Variants in SGCD observed in about 807,000 individuals in gnomAD.
The protein encoded by SGCD is sarcoglycan delta, also known as delta-sarcoglycan.
A neutral mutation model predicts 36.6 loss-of-function variants in SGCD; 18 were observed. That is an observed-to-expected ratio of 0.49 (90% CI 0.34 to 0.73). The LOEUF is 0.73. SGCD is among the 30% of genes least tolerant of loss of function. The pLI is 0.01. For missense variants in SGCD, 387 were observed against 346.7 expected (o/e 1.12, Z -0.92); for synonymous variants, 133 against 130.6 (o/e 1.02, Z -0.12).
chr5:156,362,766 A>G (rs1410988743), intron 3 of SGCD, among the ~76,000 whole-genome samples: 1 of 152,228 alleles, frequency 6.6e-6, no homozygotes. Context: ...GGAGCATTTC[A>G]TGACATATAC....
chr5:155,810,781 T>C, the SGCD span, among the ~76,000 whole-genome samples: 1 of 144,002 alleles, frequency 6.9e-6, no homozygotes, highest in East Asian at 2.0e-4. Context: ...CTCTGAGTAA[T>C]CCTTTAGTGT....
At chr5:155,769,131 ATATACAG>A in the SGCD span, among the ~76,000 whole-genome samples, 1 of 152,150 alleles carries the variant, frequency 6.6e-6, no homozygotes, top group Non-Finnish European at 1.5e-5. Context: ...TATTCATAAT[ATATACAG>A]TAAAAAATGT....
chr5:156,470,475 T>C (rs1241416337), intron 3 of SGCD, among the ~76,000 whole-genome samples: 3 of 152,120 alleles, frequency 2.0e-5, no homozygotes, highest in Admixed American at 2.0e-4. Context: ...TTATATCTCC[T>C]AATGCTATCC....
chr5:156,681,616 G>A (rs1227706028), intron 7 of SGCD, among the ~76,000 whole-genome samples: 2 of 152,148 alleles, frequency 1.3e-5, no homozygotes, highest in Non-Finnish European at 2.9e-5. Flanking sequence ...ATGTCAACAG[G>A]GTATTTGGGG....
intron 7 of SGCD, among the ~76,000 whole-genome samples, chr5:156,682,994 T>C (rs557699056): frequency 6.6e-6 from 1 of 152,254 alleles, no homozygotes; most frequent in Admixed American, 6.5e-5. Context: ...GCAAAGGATA[T>C]TAAAACAGTT....
At chr5:155,871,222 TAAC>T (rs930543663) in intron 1 of SGCD, among the ~76,000 whole-genome samples, 7 of 152,086 alleles carry the variant, frequency 4.6e-5, no homozygotes, top group African/African-American at 1.7e-4. Flanking sequence ...TACAGAATAA[TAAC>T]ATTTTTGGAT....
intron 1 of SGCD, among the ~76,000 whole-genome samples, chr5:155,939,370 G>T (rs1438949192): frequency 6.6e-6 from 1 of 152,102 alleles, no homozygotes. Flanking sequence ...GCCAAGCACA[G>T]TGGCTCACGC....
chr5:156,745,982 T>A (rs1369481533), intron 7 of SGCD, among the ~76,000 whole-genome samples: 1 of 149,990 alleles, frequency 6.7e-6, no homozygotes, highest in African/African-American at 2.5e-5. Flanking sequence ...GTGAGTATTA[T>A]CCTAAAGTGA....
At chr5:155,966,998 T>C (rs1016794083) in intron 1 of SGCD, among the ~76,000 whole-genome samples, 3 of 151,796 alleles carry the variant, frequency 2.0e-5, no homozygotes, top group African/African-American at 7.3e-5. Context: ...TGTGCGTATG[T>C]GTGTATTTGT....
At chr5:155,945,947 G>A (rs1757428324) in intron 1 of SGCD, among the ~76,000 whole-genome samples, 1 of 152,180 alleles carries the variant, frequency 6.6e-6, no homozygotes, top group African/African-American at 2.4e-5. Context: ...CAGTTCAGAT[G>A]TGACAGGGTG....
chr5:156,692,647 AAACT>A (rs1214521095), intron 7 of SGCD, among the ~76,000 whole-genome samples: 8 of 152,194 alleles, frequency 5.3e-5, no homozygotes, highest in Non-Finnish European at 7.3e-5. Context: ...TAGCATTCAC[AAACT>A]GTTTTTCTGA....
At chr5:156,305,849 A>G (rs1288299010) in intron 3 of SGCD, among the ~76,000 whole-genome samples, 1 of 151,932 alleles carries the variant, frequency 6.6e-6, no homozygotes, top group Non-Finnish European at 1.5e-5. Flanking sequence ...GTCAAAGGAG[A>G]GAGATTATTT....
intron 2 of SGCD, among the ~76,000 whole-genome samples, chr5:156,337,060 G>A (rs768944339): frequency 6.6e-6 from 1 of 152,180 alleles, no homozygotes; most frequent in African/African-American, 2.4e-5. Flanking sequence ...CCAAATATTT[G>A]TGATCCCAGA....
At chr5:156,730,499 AGTTT>A (rs1199162974) in intron 7 of SGCD, among the ~76,000 whole-genome samples, 2 of 152,116 alleles carry the variant, frequency 1.3e-5, no homozygotes, top group Non-Finnish European at 2.9e-5. Flanking sequence ...TGTGTTTGTT[AGTTT>A]GTTAAGGATA....
chr5:156,535,582 C>T lies in SGCD; in HGVS notation c.294+26880C>T, dbSNP rs535341396. ...TCTTTATCAGTTAGGGGATAATTTT[C>T]ATGTATCCAGAAGTATTTCTGCTTT... is the stretch of plus-strand genomic sequence containing the variant. On this transcript the variant is annotated intron_variant, in intron 4 of 8. Coordinates refer to ENST00000337851, the MANE Select transcript of SGCD (RefSeq NM_000337.6). Among the ~76,000 whole-genome samples the T allele has an allele frequency of 2.9e-4, 44 of 152,286 alleles. No individual in the cohort carries two copies. The South Asian group carries it at 8.3e-3, about 29-fold the overall frequency.
chr5:156,310,665 C>T (rs1048911682), intron 3 of SGCD, among the ~76,000 whole-genome samples: 1 of 152,142 alleles, frequency 6.6e-6, no homozygotes, highest in Non-Finnish European at 1.5e-5. Context: ...TGCTTCTTAC[C>T]TTACCATCTT....
the SGCD span, among the ~76,000 whole-genome samples, chr5:155,851,674 C>T: frequency 1.3e-5 from 2 of 152,244 alleles, no homozygotes; most frequent in African/African-American, 4.8e-5. Flanking sequence ...GCCTGGAAGG[C>T]CCTTCTCCAC....
At chr5:156,647,400 T>A in intron 6 of SGCD, 64 bp from the exon 7 acceptor site, 1 of 1,091,496 alleles carries the variant, frequency 9.2e-7, no homozygotes, top group East Asian at 2.6e-5. Flanking sequence ...ATCAGTGTGC[T>A]GATTGTGCCT....
At chr5:155,740,313 T>G in the SGCD span, among the ~76,000 whole-genome samples, 1 of 152,208 alleles carries the variant, frequency 6.6e-6, no homozygotes, top group Admixed American at 6.5e-5. Context: ...ATTTTTATTT[T>G]TATACATTAT....
Sources: gnomAD v4.1 joint callset for allele counts (sites outside exome capture counted in the v4.1 genomes callset) on GRCh38, gnomAD v4.1.1 for gene constraint, MANE v1.5 for transcripts, NCBI Gene and HGNC (gene_info 2026-07-23, HGNC 2026-07-21) for gene names.